Variants in STYK1 observed in about 807,000 individuals in gnomAD.
STYK1 encodes tyrosine-protein kinase STYK1.
In STYK1, 46 loss-of-function variants were observed where a neutral mutation model predicts 48.1. That is an observed-to-expected ratio of 0.96 (90% CI 0.75 to 1.22). The LOEUF (loss-of-function observed/expected upper bound fraction) is 1.22, where lower values mean the gene tolerates loss of function less well. Ranked by LOEUF, STYK1 falls within the 50% of genes most tolerant of loss-of-function variation. The pLI is 0.00. For missense variants in STYK1, 527 were observed against 521.1 expected (o/e 1.01, Z -0.11); for synonymous variants, 188 against 189.0 (o/e 0.99, Z 0.04).
At chr12:10,655,192 C>A (rs930646716) in intron 1 of STYK1, among the ~76,000 whole-genome samples, 3 of 152,132 alleles carry the variant, frequency 2.0e-5, no homozygotes, top group African/African-American at 7.2e-5. Context: ...AGGGGAGGTA[C>A]CTTGGGATAG....
At chr12:10,646,035 T>G (rs774132510) in intron 1 of STYK1, among the ~76,000 whole-genome samples, 37 of 152,340 alleles carry the variant, frequency 2.4e-4, no homozygotes, top group Non-Finnish European at 4.8e-4. Flanking sequence ...TTAAACCTCT[T>G]TCTTTTGTAA....
intron 1 of STYK1, among the ~76,000 whole-genome samples, chr12:10,649,516 G>C (rs1746521740): frequency 6.6e-6 from 1 of 152,142 alleles, no homozygotes; most frequent in South Asian, 2.1e-4. Flanking sequence ...AATTGACTGG[G>C]AAAAACACCT....
At position 10,624,771 on chromosome 12, in the gene STYK1, C is replaced by A; in HGVS notation, c.806G>T (p.Gly269Val). ...GTAAACTTCATAAGCCAGGCCTAATCCACAGAGCTTAGCAGTGAGATCACT... is the reference window on the plus strand; with the variant it reads ...GTAAACTTCATAAGCCAGGCCTAATACACAGAGCTTAGCAGTGAGATCACT... ...MQSDLTAKLCGLGLAYEVYTR... is the reference protein window; with the variant it reads ...MQSDLTAKLCVLGLAYEVYTR... The change falls in exon 8 of 11, where the codon GGA (glycine) becomes GTA (valine). Residue 269 changes from glycine to valine, a missense_variant. Transcript: ENST00000075503. The A allele has an allele frequency of 6.2e-7, 1 of 1,614,116 alleles. No homozygotes were observed. Among genetic ancestry groups the A allele is most frequent in the Non-Finnish European group, 8.5e-7 (1 of 1,180,028 alleles).
Position 10,620,005 on chromosome 12 carries a change from C to T in STYK1, c.*139G>A, listed in dbSNP as rs575398202. On this transcript the variant is annotated 3_prime_UTR_variant, in exon 11 of 11. Transcript: ENST00000075503. ...CCATCCAGCATCATTTCAGATTTCC[C>T]GAGAAATGTGTAAAGGAAGATCAAG... 1.4e-5 allele frequency: 14 copies of T among 965,962 alleles called. No homozygotes were observed. Among genetic ancestry groups the T allele is most frequent in the African/African-American group, 4.9e-5 (3 of 61,792 alleles). The allele number at this position is 965,962 out of a possible 1,614,324, so 59.8% of individuals were successfully genotyped here.
chr12:10,655,584 C>T (rs1018467415), intron 1 of STYK1, among the ~76,000 whole-genome samples: 4 of 152,204 alleles, frequency 2.6e-5, no homozygotes, highest in African/African-American at 9.7e-5. Context: ...TATCCCCTCC[C>T]CCCATGAACA....
In STYK1 at chr12:10,629,639, C is replaced by G; in HGVS notation, c.487G>C (p.Gly163Arg). ...AGLHEVQDFL[G>R]RIQFHQYLGK... ...AGGTATTGATGGAATTGGATTCGCC[C>G]TAAGAAATCTTGTACCTCATGGAGC... The change falls in exon 6 of 11, where the codon GGG becomes CGG. Residue 163 changes from glycine (G) to arginine (R), a missense_variant. Gly to Arg is a moderately radical substitution (Grantham distance 125). Coordinates refer to ENST00000075503, the MANE Select transcript of STYK1 (RefSeq NM_018423.3). 6.2e-7 allele frequency: 1 copy of G among 1,614,148 alleles called. No homozygotes were observed.
intron 1 of STYK1, among the ~76,000 whole-genome samples, chr12:10,643,272 T>C (rs750975184): frequency 2.6e-5 from 4 of 152,196 alleles, no homozygotes; most frequent in Non-Finnish European, 5.9e-5. Flanking sequence ...GCTACTAATA[T>C]AAAAGCCTCC....
At chr12:10,668,446 G>T (rs1947857560) in intron 1 of STYK1, among the ~76,000 whole-genome samples, 1 of 150,678 alleles carries the variant, frequency 6.6e-6, no homozygotes, top group South Asian at 2.1e-4. Flanking sequence ...TACGATCTTG[G>T]CTCACTGCAA....
intron 1 of STYK1, among the ~76,000 whole-genome samples, chr12:10,657,958 C>T (rs1947736438): frequency 6.6e-6 from 1 of 152,050 alleles, no homozygotes; most frequent in Non-Finnish European, 1.5e-5. Context: ...TTTTTTTAGC[C>T]TAGTTTAGAA....
chr12:10,635,142 G>A (rs1032082276), intron 2 of STYK1, among the ~76,000 whole-genome samples: 5 of 152,036 alleles, frequency 3.3e-5, no homozygotes, highest in Non-Finnish European at 7.4e-5. Flanking sequence ...TTTGAAGTTG[G>A]GATCTTGCTC....
chr12:10,626,949 G>A (rs1947366127), intron 7 of STYK1, among the ~76,000 whole-genome samples: 1 of 152,220 alleles, frequency 6.6e-6, no homozygotes, highest in Non-Finnish European at 1.5e-5. Context: ...GGAGCTTCCA[G>A]TGAGCCGAGA....
intron 3 of STYK1, 122 bp downstream of exon 3, chr12:10,634,444 CT>C (rs1220528359): frequency 1.8e-6 from 2 of 1,111,914 alleles, no homozygotes; most frequent in African/African-American, 1.5e-5. Flanking sequence ...AGTCCCCATC[CT>C]TTTATCACCA....
chr12:10,634,547 T>C lies in STYK1; in HGVS notation c.52+20A>G, dbSNP rs535268876. ...TAATTCTAAAATCAGAGGATAGACA[T>C]CTGTGGAATCCGTACTTACCACACA... is the stretch of plus-strand genomic sequence containing the variant. On this transcript the variant is annotated intron_variant, in intron 3 of 10. Coordinates refer to ENST00000075503, the MANE Select transcript of STYK1 (RefSeq NM_018423.3). The C allele has an allele frequency of 1.9e-6, 3 of 1,612,160 alleles. No homozygotes were observed. In the East Asian group the frequency reaches 6.7e-5, roughly 36 times the overall value.
chr12:10,631,599 T>C (rs984530601), intron 4 of STYK1, among the ~76,000 whole-genome samples: 6 of 152,182 alleles, frequency 3.9e-5, no homozygotes, highest in African/African-American at 1.4e-4. Context: ...CCCATGAGTG[T>C]GGTATGGAGA....
chr12:10,671,082 G>A (rs1947887034), intron 1 of STYK1, among the ~76,000 whole-genome samples: 1 of 140,024 alleles, frequency 7.1e-6, no homozygotes, highest in Non-Finnish European at 1.5e-5. Context: ...TGCAAGCTCC[G>A]CCTCCTGGAT....
In STYK1 at chr12:10,633,927, C is replaced by A. The variant is rs553353083; in HGVS notation, c.187+63G>T. On this transcript the variant is annotated intron_variant, in intron 4 of 10. Coordinates refer to ENST00000075503, the MANE Select transcript of STYK1 (RefSeq NM_018423.3). Reference sequence around the variant, plus strand: ...GACATGGGCTCATTGAAACTTAGACCATACTTTTTCCTAATCTCCATCTTC... The same window carrying A: ...GACATGGGCTCATTGAAACTTAGACAATACTTTTTCCTAATCTCCATCTTC... The A allele has an allele frequency of 3.2e-5, 51 of 1,581,470 alleles. No individual in the cohort carries two copies. In the African/African-American group the frequency reaches 5.7e-4, roughly 18 times the overall value.
At chr12:10,632,992 C>T (rs1024349193) in intron 4 of STYK1, among the ~76,000 whole-genome samples, 19 of 152,260 alleles carry the variant, frequency 1.2e-4, no homozygotes, top group Admixed American at 9.2e-4. Flanking sequence ...ATTTGTATTC[C>T]ATTGAAACTG....
chr12:10,654,580 A>G (rs1178439707), intron 1 of STYK1, among the ~76,000 whole-genome samples: 1 of 152,206 alleles, frequency 6.6e-6, no homozygotes, highest in African/African-American at 2.4e-5. Flanking sequence ...TTGCCCAGGT[A>G]AAGGATCAGA....
In STYK1 at chr12:10,648,887, A is replaced by G. The variant is rs1199031309; in HGVS notation, c.-194-11691T>C. Among the ~76,000 whole-genome samples the G allele has an allele frequency of 3.3e-5, 5 of 152,174 alleles. No individual in the cohort carries two copies. The East Asian group carries it at 9.6e-4, about 29-fold the overall frequency. On this transcript the variant is annotated intron_variant, in intron 1 of 10. Transcript: ENST00000075503. ...CAGCAGAAAAGAAGATTTGAAAACT[A>G]ATGTTTATTCCCTAAATAGTTTTAT... is the stretch of plus-strand genomic sequence containing the variant.
Sources: allele counts gnomAD v4.1 joint callset (sites outside exome capture counted in the v4.1 genomes callset), GRCh38; gene constraint gnomAD v4.1.1; transcripts MANE v1.5; gene names NCBI Gene and HGNC (gene_info 2026-07-23, HGNC 2026-07-21).